The following PGM5 variants were observed in gnomAD, a reference collection of about 807,000 sequenced individuals.
The protein encoded by PGM5 is phosphoglucomutase-like protein 5.
In PGM5, 23 loss-of-function variants were observed where a neutral mutation model predicts 59.2. The observed-to-expected ratio is 0.39, with a 90% CI of 0.28 to 0.55. The LOEUF (loss-of-function observed/expected upper bound fraction) is 0.55. Ranked by LOEUF, PGM5 falls within the 20% of genes least tolerant of loss-of-function variation. PGM5 has a pLI of 0.66. For missense variants in PGM5, 574 were observed against 748.3 expected (o/e 0.77, Z 2.72); for synonymous variants, 214 against 286.0 (o/e 0.75, Z 2.54).
intron 3 of PGM5, among the ~76,000 whole-genome samples, chr9:68,386,603 A>G (rs1447936703): frequency 1.3e-5 from 2 of 152,120 alleles, no homozygotes; most frequent in Admixed American, 1.3e-4. Flanking sequence ...AGTAGTATGT[A>G]TTTGAAAAAT....
At chr9:68,517,565 G>A (rs1397038069) in intron 10 of PGM5, among the ~76,000 whole-genome samples, 1 of 152,158 alleles carries the variant, frequency 6.6e-6, no homozygotes, top group East Asian at 1.9e-4. Context: ...AGACAATAGA[G>A]CATGGTGGGC....
In PGM5 at chr9:68,530,856, G is replaced by A. The variant is rs1236107722; in HGVS notation, c.*1200G>A. ...GTGTCTGTTTTGCTTCCTTGGGAAC[G>A]GCACAGTCACTCACCCTGCCATTTG... On this transcript the variant is annotated 3_prime_UTR_variant, in exon 11 of 11. Transcript: ENST00000396396. 2.6e-5 allele frequency: 4 copies of A among 152,188 alleles called. No individual in the cohort carries two copies. The highest frequency in any genetic ancestry group is 4.8e-5 in the African/African-American group (2 of 41,414). 9.4% of individuals were successfully genotyped at this position (152,188 alleles called of 1,614,324 possible). A position where few individuals can be genotyped will look rare whatever the true frequency, so the allele number is the denominator to read the frequency against.
chr9:68,515,384 C>T (rs1462574769), intron 10 of PGM5, among the ~76,000 whole-genome samples: 5 of 152,192 alleles, frequency 3.3e-5, no homozygotes, highest in South Asian at 2.1e-4. Context: ...GTGGCCCTCA[C>T]GGCAGAAGTT....
intron 6 of PGM5, among the ~76,000 whole-genome samples, chr9:68,408,043 C>T (rs1417129101): frequency 6.6e-6 from 1 of 152,152 alleles, no homozygotes; most frequent in African/African-American, 2.4e-5. Flanking sequence ...ATCTGCAAAG[C>T]CATTAGTCAA....
chr9:68,527,663 T>G (rs540855590), intron 10 of PGM5, among the ~76,000 whole-genome samples: 1 of 148,438 alleles, frequency 6.7e-6, no homozygotes, highest in African/African-American at 2.4e-5. Flanking sequence ...ATCAAGATGA[T>G]CAACACGGAA....
chr9:68,410,568 G>A (rs1822910807), intron 6 of PGM5, among the ~76,000 whole-genome samples: 1 of 150,934 alleles, frequency 6.6e-6, no homozygotes, highest in Non-Finnish European at 1.5e-5. Context: ...TGAGGAGGAG[G>A]AGGAGGAGGA....
At chr9:68,448,596 C>G (rs1238248836) in intron 6 of PGM5, among the ~76,000 whole-genome samples, 1 of 152,186 alleles carries the variant, frequency 6.6e-6, no homozygotes, top group Non-Finnish European at 1.5e-5. Flanking sequence ...ATTTTCAAAG[C>G]AGCTGGGGCT....
At chr9:68,489,271 C>G (rs1554687743) in intron 9 of PGM5, among the ~76,000 whole-genome samples, 1 of 152,052 alleles carries the variant, frequency 6.6e-6, no homozygotes, top group African/African-American at 2.4e-5. Flanking sequence ...AGAAATGGCT[C>G]CACATTGAGA....
intron 10 of PGM5, among the ~76,000 whole-genome samples, chr9:68,521,903 T>C (rs1202001571): frequency 2.6e-5 from 4 of 152,168 alleles, no homozygotes; most frequent in Non-Finnish European, 5.9e-5. Flanking sequence ...CCAGTGCTCT[T>C]GCTCTCTCCC....
chr9:68,476,168 A>G (rs775684659), intron 7 of PGM5, among the ~76,000 whole-genome samples: 20 of 152,218 alleles, frequency 1.3e-4, no homozygotes, highest in Non-Finnish European at 2.4e-4. Flanking sequence ...TTGCCAAGTT[A>G]ACTCTTCCCC....
chr9:68,410,146 G>T (rs367994444), intron 6 of PGM5, among the ~76,000 whole-genome samples: 1 of 152,224 alleles, frequency 6.6e-6, no homozygotes, highest in Non-Finnish European at 1.5e-5. Flanking sequence ...ACTAGAGAGA[G>T]GATGAAGAAG....
intron 6 of PGM5, among the ~76,000 whole-genome samples, chr9:68,454,047 T>C (rs945867730): frequency 1.2e-4 from 19 of 152,280 alleles, no homozygotes; most frequent in African/African-American, 4.1e-4. Context: ...GACTGACCTA[T>C]AGGGACTATC....
At chr9:68,383,712 G>T in intron 2 of PGM5, among the ~76,000 whole-genome samples, 2 of 93,896 alleles carry the variant, frequency 2.1e-5, no homozygotes, top group African/African-American at 4.1e-5. Context: ...AAAAAAATCT[G>T]AAATGGCTTG....
chr9:68,407,580 CAG>C (rs1162996247), intron 6 of PGM5, among the ~76,000 whole-genome samples: 8 of 152,180 alleles, frequency 5.3e-5, no homozygotes, highest in African/African-American at 1.9e-4. Context: ...TGGGAAAATA[CAG>C]AGTTTCTTTT....
At chr9:68,484,170 C>A in intron 9 of PGM5, 122 bp downstream of exon 9, 1 of 815,566 alleles carries the variant, frequency 1.2e-6, no homozygotes, top group Non-Finnish European at 2.0e-6. Flanking sequence ...GAGAACTGTG[C>A]AGCCAGGAAA....
intron 7 of PGM5, among the ~76,000 whole-genome samples, 170 bp downstream of exon 7, chr9:68,465,378 A>G (rs989189879): frequency 7.2e-5 from 11 of 152,132 alleles, no homozygotes; most frequent in African/African-American, 2.7e-4. Flanking sequence ...TCTTTTGTCC[A>G]TTTTGTTTCT....
chr9:68,473,777 C>T (rs1824058555), intron 7 of PGM5, among the ~76,000 whole-genome samples: 1 of 151,938 alleles, frequency 6.6e-6, no homozygotes, highest in Admixed American at 6.6e-5. Context: ...TGGGAAAATC[C>T]CATGCAAACC....
At chr9:68,371,945 G>A (rs1249972033) in intron 1 of PGM5, among the ~76,000 whole-genome samples, 1 of 152,212 alleles carries the variant, frequency 6.6e-6, no homozygotes, top group Non-Finnish European at 1.5e-5. Flanking sequence ...AGAGGCAAGG[G>A]AGGATCCTCC....
intron 10 of PGM5, 38 bp downstream of exon 10, chr9:68,499,399 A>G: frequency 6.3e-7 from 1 of 1,598,314 alleles, no homozygotes. Flanking sequence ...TGTGTCTCGC[A>G]GCTCCTGGCA....
Sources: allele counts gnomAD v4.1 joint callset (sites outside exome capture counted in the v4.1 genomes callset), GRCh38; gene constraint gnomAD v4.1.1; transcripts MANE v1.5; gene names NCBI Gene and HGNC (gene_info 2026-07-23, HGNC 2026-07-21).